Variants in SNTG1 observed in about 807,000 individuals in gnomAD.
SNTG1 encodes the protein gamma-1-syntrophin.
SNTG1 carries 39 observed loss-of-function variants against 74.7 expected under a neutral mutation model. The ratio of observed to expected loss-of-function variants is 0.52; its 90% CI spans 0.40 to 0.68. SNTG1 has a LOEUF of 0.68. Ranked by LOEUF, SNTG1 falls within the 30% of genes least tolerant of loss-of-function variation. The probability of loss-of-function intolerance (pLI) is 0.00; values close to 1 mark genes in which losing one functional copy is unlikely to be tolerated. For synonymous variants in SNTG1, 254 were observed against 217.1 expected (o/e 1.17, Z -1.49); for missense variants, 685 against 609.5 (o/e 1.12, Z -1.30).
At chr8:50,659,457 G>A (rs1012307783) in intron 15 of SNTG1, among the ~76,000 whole-genome samples, 10 of 152,030 alleles carry the variant, frequency 6.6e-5, no homozygotes, top group South Asian at 2.1e-4. Context: ...TTCTCTTCCC[G>A]TTAAAGACTT....
At chr8:50,312,434 A>T (rs1168111666) in intron 2 of SNTG1, among the ~76,000 whole-genome samples, 1 of 138,190 alleles carries the variant, frequency 7.2e-6, no homozygotes, top group Non-Finnish European at 1.5e-5. Context: ...TAGATAAAAC[A>T]TAATATTTTT....
rs2092815639 is a variant in SNTG1 at position 50,402,245 on chromosome 8, C to A, written c.63C>A (p.Asn21Lys). The A allele has an allele frequency of 6.2e-7, 1 of 1,611,360 alleles. No homozygotes were observed. Among genetic ancestry groups the A allele is most frequent in the Non-Finnish European group, 8.5e-7 (1 of 1,179,430 alleles). ...GAATTTGTTTGCTGCAGGATGGTAA[C>A]CAGGAGCCTTTCAAAGTGCGGCTGC... Reference protein sequence around the residue: ...KTGICLLQDGNQEPFKVRLHL... With the variant: ...KTGICLLQDGKQEPFKVRLHL... The change falls in exon 4 of 19, where the codon AAC (asparagine) becomes AAA (lysine). Residue 21 changes from asparagine (N) to lysine (K), a missense_variant. By Grantham distance (94) the Asn-to-Lys change is moderately conservative (BLOSUM62 0). Coordinates refer to ENST00000642720, the MANE Select transcript of SNTG1 (RefSeq NM_018967.5).
At chr8:50,041,133 T>G (rs376745495) in intron 1 of SNTG1, among the ~76,000 whole-genome samples, 2 of 152,292 alleles carry the variant, frequency 1.3e-5, no homozygotes, top group African/African-American at 4.8e-5. Context: ...CGACCTCAGA[T>G]GATCCATCTG....
chr8:50,420,683 C>T (rs926814403), intron 4 of SNTG1, among the ~76,000 whole-genome samples: 1 of 151,836 alleles, frequency 6.6e-6, no homozygotes, highest in African/African-American at 2.4e-5. Flanking sequence ...TTAACATTGC[C>T]TAATGTGCTT....
chr8:50,557,379 C>T (rs1055683649), intron 12 of SNTG1, among the ~76,000 whole-genome samples: 2 of 152,072 alleles, frequency 1.3e-5, no homozygotes, highest in African/African-American at 2.4e-5. Flanking sequence ...CCTAAAATTC[C>T]AAAATTTCCT....
At chr8:50,566,462 C>T (rs972262765) in intron 12 of SNTG1, among the ~76,000 whole-genome samples, 3 of 151,928 alleles carry the variant, frequency 2.0e-5, no homozygotes, top group African/African-American at 7.2e-5. Context: ...TATAAGTCTA[C>T]AACGTTTGTG....
At chr8:50,388,565 C>A (rs2092609268) in intron 2 of SNTG1, among the ~76,000 whole-genome samples, 1 of 152,130 alleles carries the variant, frequency 6.6e-6, no homozygotes, top group Non-Finnish European at 1.5e-5. Flanking sequence ...CATGGTTCTA[C>A]AGAGGAATGG....
intron 1 of SNTG1, among the ~76,000 whole-genome samples, chr8:50,079,625 T>C (rs1426533944): frequency 6.6e-6 from 1 of 152,186 alleles, no homozygotes; most frequent in East Asian, 1.9e-4. Context: ...ATTTTAGTCC[T>C]GAAGTCTTTG....
intron 1 of SNTG1, among the ~76,000 whole-genome samples, chr8:50,080,480 T>A (rs1223355343): frequency 1.3e-5 from 2 of 152,180 alleles, no homozygotes; most frequent in African/African-American, 4.8e-5. Flanking sequence ...TATTATGTGT[T>A]GTCTGTCATT....
At chr8:50,138,802 G>A (rs1362076571) in intron 1 of SNTG1, among the ~76,000 whole-genome samples, 1 of 151,656 alleles carries the variant, frequency 6.6e-6, no homozygotes, top group Non-Finnish European at 1.5e-5. Flanking sequence ...AAAATCCTTG[G>A]GTAAGATATT....
At chr8:50,404,588 G>A (rs188992695) in intron 4 of SNTG1, among the ~76,000 whole-genome samples, 131 of 151,608 alleles carry the variant, frequency 8.6e-4, no homozygotes, top group Admixed American at 2.3e-3. Context: ...ACATTCTAAA[G>A]AGTCCAAAAA....
At chr8:50,282,261 A>T (rs1161632526) in intron 2 of SNTG1, among the ~76,000 whole-genome samples, 1 of 152,174 alleles carries the variant, frequency 6.6e-6, no homozygotes, top group Non-Finnish European at 1.5e-5. Flanking sequence ...CTGAGCCTGT[A>T]ATAAGCTCTC....
intron 1 of SNTG1, among the ~76,000 whole-genome samples, chr8:49,928,502 A>G (rs1020611192): frequency 1.3e-5 from 2 of 151,922 alleles, no homozygotes; most frequent in Admixed American, 6.6e-5. Context: ...AAGTGCTGGG[A>G]TTATAAGTGT....
chr8:50,017,601 C>A (rs1816443383), intron 1 of SNTG1, among the ~76,000 whole-genome samples: 1 of 151,616 alleles, frequency 6.6e-6, no homozygotes, highest in Non-Finnish European at 1.5e-5. Context: ...AAGATTGAAT[C>A]AAGATGGAGA....
chr8:50,449,666 A>G lies in SNTG1; in HGVS notation c.220-2A>G. The G allele has an allele frequency of 1.3e-6, 2 of 1,586,894 alleles. No individual in the cohort carries two copies. Among genetic ancestry groups the G allele is most frequent in the Non-Finnish European group, 1.7e-6 (2 of 1,165,538 alleles). ...GTACAATATATGATTTTCTCTTTTC[A>G]GGGAGGAGCAGAACATAACATTCCA... On this transcript the variant is annotated splice_acceptor_variant, in intron 5 of 18. Transcript: ENST00000642720. LOFTEE classifies it high-confidence loss of function.
At chr8:50,533,415 C>A (rs2094284652) in intron 10 of SNTG1, among the ~76,000 whole-genome samples, 2 of 152,162 alleles carry the variant, frequency 1.3e-5, no homozygotes, top group African/African-American at 4.8e-5. Flanking sequence ...AGCAAGGAGA[C>A]ATAATTGCTG....
chr8:49,942,403 GTTTCT>G (rs753308288), intron 1 of SNTG1, among the ~76,000 whole-genome samples: 2 of 152,064 alleles, frequency 1.3e-5, no homozygotes, highest in African/African-American at 2.4e-5. Flanking sequence ...CCCATATGAA[GTTTCT>G]TTTATTATTA....
intron 12 of SNTG1, among the ~76,000 whole-genome samples, chr8:50,554,524 AGCCTTACCCAG>A (rs1257961634): frequency 1.3e-5 from 2 of 151,622 alleles, no homozygotes; most frequent in Non-Finnish European, 2.9e-5. Context: ...AAATACACCA[AGCCTTACCCAG>A]GCTCATCCCT....
chr8:50,046,001 G>A lies in SNTG1; in HGVS notation c.-102-126560G>A, dbSNP rs562711930. ...TTCAGGCTTTGAAGAGCCACAGGGT[G>A]TGTGTAGCAAATACTCAACTCCATG... On this transcript the variant is annotated intron_variant, in intron 1 of 18. Transcript: ENST00000642720. Among the ~76,000 whole-genome samples the A allele has an allele frequency of 3.9e-5, 6 of 152,330 alleles. No homozygotes were observed. The East Asian group carries it at 7.7e-4, about 20-fold the overall frequency.
Sources: gnomAD v4.1 joint callset for allele counts (sites outside exome capture counted in the v4.1 genomes callset) on GRCh38, gnomAD v4.1.1 for gene constraint, MANE v1.5 for transcripts, NCBI Gene and HGNC (gene_info 2026-07-23, HGNC 2026-07-21) for gene names.